The following RPL18 variants were observed in gnomAD, a reference collection of about 807,000 sequenced individuals.
RPL18 encodes large ribosomal subunit protein eL18.
In RPL18, 4 loss-of-function variants were observed where a neutral mutation model predicts 25.0. That is an observed-to-expected ratio of 0.16 (90% CI 0.08 to 0.37). The LOEUF is 0.37. RPL18 is among the 10% of genes least tolerant of loss of function. The probability of loss-of-function intolerance (pLI) is 1.00; values close to 1 mark genes in which losing one functional copy is unlikely to be tolerated. For synonymous variants in RPL18, 129 were observed against 101.6 expected (o/e 1.27, Z -1.62); for missense variants, 179 against 267.9 (o/e 0.67, Z 2.32).
At chr19:48,616,539 G>A (rs1194672246) in intron 4 of RPL18, 187 bp downstream of exon 4, 1 of 708,212 alleles carries the variant, frequency 1.4e-6, no homozygotes, top group South Asian at 1.5e-5. Flanking sequence ...CTTGCCCAGG[G>A]GACCCCACCA....
intron 6 of RPL18, 139 bp downstream of exon 6, chr19:48,615,738 G>T: frequency 1.3e-6 from 1 of 762,682 alleles, no homozygotes; most frequent in Non-Finnish European, 2.2e-6. Context: ...GGAAAAGCAG[G>T]CAGGATGAGG....
intron 2 of RPL18, 68 bp from the exon 3 acceptor site, chr19:48,617,491 C>T: frequency 9.0e-7 from 1 of 1,116,500 alleles, no homozygotes; most frequent in Non-Finnish European, 1.4e-6. Flanking sequence ...AGTGAAGGGG[C>T]AAACACATGA....
In RPL18 at chr19:48,619,154, C is replaced by T. The variant is rs769575687; in HGVS notation, c.-11G>A. 3.1e-6 allele frequency: 5 copies of T among 1,596,448 alleles called. No homozygotes were observed. The highest frequency in any genetic ancestry group is 4.3e-6 in the Non-Finnish European group (5 of 1,172,372). ...AAGCGAGCTCACCATGATGGCGCCT[C>T]CTGCTCGGCCAGGTCCGGAAAGAGA... is the stretch of plus-strand genomic sequence containing the variant. On this transcript the variant is annotated 5_prime_UTR_variant, in exon 1 of 7. Transcript: ENST00000549920.
chr19:48,616,619 A>G, intron 4 of RPL18, 107 bp downstream of exon 4: 1 of 827,514 alleles, frequency 1.2e-6, no homozygotes, highest in Middle Eastern at 2.4e-4. Flanking sequence ...TTGCCTCACC[A>G]GCGGTGGCAA....
At chr19:48,615,745 G>A in intron 6 of RPL18, 132 bp downstream of exon 6, 1 of 796,630 alleles carries the variant, frequency 1.3e-6, no homozygotes, top group Non-Finnish European at 2.1e-6. Flanking sequence ...CAGGCAGGAT[G>A]AGGCAGCTGA....
At chr19:48,617,066 C>A (rs960246654) in intron 3 of RPL18, 1 of 703,046 alleles carries the variant, frequency 1.4e-6, no homozygotes, top group Non-Finnish European at 2.6e-6. Flanking sequence ...TCAGTTATGA[C>A]TTGGGGCAAT....
chr19:48,616,589 C>A (rs560487600), intron 4 of RPL18, 137 bp downstream of exon 4: 3 of 769,550 alleles, frequency 3.9e-6, no homozygotes, highest in Non-Finnish European at 6.9e-6. Context: ...TCCTCAAAGC[C>A]ACTCAGACAG....
rs752576766 is a variant in RPL18 at position 48,616,931 on chromosome 19, A to C, written c.199-107T>G. 1.5e-5 allele frequency: 12 copies of C among 797,074 alleles called. No homozygotes were observed. In the African/African-American group the frequency reaches 1.9e-4, roughly 12 times the overall value. The allele number at this position is 797,074 out of a possible 1,614,324, so 49.4% of individuals were successfully genotyped here. On this transcript the variant is annotated intron_variant, in intron 3 of 6. Transcript: ENST00000549920. Reference sequence around the variant, plus strand: ...GCTGTGCCCTCTAACGGGACCCCCCACTCACACCACACCCCTTAAACCCCA... The same window carrying C: ...GCTGTGCCCTCTAACGGGACCCCCCCCTCACACCACACCCCTTAAACCCCA...
intron 4 of RPL18, 177 bp from the exon 5 acceptor site, chr19:48,616,379 C>T: frequency 1.4e-6 from 1 of 720,452 alleles, no homozygotes; most frequent in Admixed American, 2.7e-5. Flanking sequence ...ACTTTCACCA[C>T]CACATCCCTG....
chr19:48,619,094 G>C (rs781270917), intron 1 of RPL18, 47 bp downstream of exon 1: 1 of 1,588,868 alleles, frequency 6.3e-7, no homozygotes, highest in Non-Finnish European at 8.6e-7. Context: ...AAACCACGGC[G>C]GATGGCAGCG....
intron 2 of RPL18, 161 bp from the exon 3 acceptor site, chr19:48,617,584 C>G (rs1974215075): frequency 1.7e-5 from 12 of 698,586 alleles, no homozygotes; most frequent in Non-Finnish European, 2.7e-5. Flanking sequence ...CCTTCCTGGC[C>G]AAGGACCTAG....
chr19:48,616,475 G>T, intron 4 of RPL18: 1 of 678,974 alleles, frequency 1.5e-6, no homozygotes, highest in Non-Finnish European at 2.7e-6. Context: ...TTGAGCCCAG[G>T]CTGTCTGGCT....
intron 3 of RPL18, 148 bp from the exon 4 acceptor site, chr19:48,616,972 G>A (rs1429983240): frequency 2.8e-6 from 2 of 716,562 alleles, no homozygotes; most frequent in Non-Finnish European, 5.1e-6. Flanking sequence ...CTCTCCTCAG[G>A]TCCAGCTGGG....
At chr19:48,619,024 G>T in intron 1 of RPL18, 117 bp downstream of exon 1, 1 of 1,097,974 alleles carries the variant, frequency 9.1e-7, no homozygotes. Flanking sequence ...CCAGTATCGG[G>T]AATTGCTCCC....
chr19:48,618,695 G>C, intron 1 of RPL18: 1 of 210,286 alleles, frequency 4.8e-6, no homozygotes, highest in East Asian at 1.3e-4. Flanking sequence ...TCACAAGGTG[G>C]GAAGGGGCCT....
In RPL18 at chr19:48,617,431, G is replaced by A. The variant is rs770723405; in HGVS notation, c.91-8C>T. On this transcript the variant is annotated splice_region_variant and splice_polypyrimidine_tract_variant and intron_variant, in intron 2 of 6. Coordinates refer to ENST00000549920, the MANE Select transcript of RPL18 (RefSeq NM_000979.4). ...GGCCAGAAACCTGTATAACTGGAGG[G>A]ACGGGAAGACAGTGAGAAGCTGGGA... 2.5e-6 allele frequency: 4 copies of A among 1,604,684 alleles called. No homozygotes were observed. Among genetic ancestry groups the A allele is most frequent in the East Asian group, 2.2e-5 (1 of 44,848 alleles).
Position 48,619,144 on chromosome 19 carries a change from G to A in RPL18, c.-1C>T, listed in dbSNP as rs370776145. 61 of 1,596,292 alleles carry A rather than the reference G, an allele frequency of 3.8e-5. No homozygotes were observed. The highest frequency in any genetic ancestry group is 4.9e-5 in the Non-Finnish European group (57 of 1,171,954). ...GAACGCCGCAAAGCGAGCTCACCAT[G>A]ATGGCGCCTCCTGCTCGGCCAGGTC... On this transcript the variant is annotated 5_prime_UTR_variant, in exon 1 of 7. Coordinates refer to ENST00000549920, the MANE Select transcript of RPL18 (RefSeq NM_000979.4).
At position 48,619,014 on chromosome 19, in the gene RPL18, C is replaced by A. The variant is rs1974286888; in HGVS notation, c.3+127G>T. On this transcript the variant is annotated intron_variant, in intron 1 of 6. Transcript: ENST00000549920. ...CTTTCCTGGCCCCCAGAGTAGGTCC[C>A]CAGTATCGGGAATTGCTCCCTCCGG... 14 of 975,426 alleles carry A rather than the reference C, an allele frequency of 1.4e-5. No individual in the cohort carries two copies. In the East Asian group the frequency reaches 3.6e-4, roughly 25 times the overall value. 60.4% of individuals were successfully genotyped at this position (975,426 alleles called of 1,614,324 possible). A position where few individuals can be genotyped will look rare whatever the true frequency, so the allele number is the denominator to read the frequency against.
chr19:48,616,402 A>C, intron 4 of RPL18, 200 bp from the exon 5 acceptor site: 2 of 675,200 alleles, frequency 3.0e-6, no homozygotes, highest in Non-Finnish European at 5.0e-6. Flanking sequence ...GTTATGCTAG[A>C]AACTACAGCA....
Sources: allele counts gnomAD v4.1 joint callset, GRCh38; gene constraint gnomAD v4.1.1; transcripts MANE v1.5; gene names NCBI Gene and HGNC (gene_info 2026-07-23, HGNC 2026-07-21).